STK32A: variants seen among roughly 807,000 people sequenced by gnomAD.
STK32A encodes the protein serine/threonine kinase 32A.
STK32A carries 41 observed loss-of-function variants against 53.2 expected under a neutral mutation model. The observed-to-expected ratio is 0.77, with a 90% confidence interval of 0.60 to 1.00. STK32A has a LOEUF of 1.00. Among genes scored for constraint, STK32A ranks in the 50% least tolerant of loss-of-function variants. The pLI is 0.00. For synonymous variants in STK32A, 166 were observed against 162.8 expected, an observed-to-expected ratio of 1.02 and a Z score of -0.15; for missense variants, 458 against 485.8, an observed-to-expected ratio of 0.94 and a Z score of 0.54.
chr5:147,354,585 C>A (rs1223179072), intron 7 of STK32A, among the ~76,000 whole-genome samples: 1 of 152,166 alleles, frequency 6.6e-6, no homozygotes, highest in Non-Finnish European at 1.5e-5. Context: ...TTTCCCTGGA[C>A]CAGACAAGGT....
At chr5:147,362,281 A>G (rs2151998805) in intron 8 of STK32A, among the ~76,000 whole-genome samples, 1 of 152,358 alleles carries the variant, frequency 6.6e-6, no homozygotes. Context: ...CTTAAATAAC[A>G]GACATCTATT....
chr5:147,395,632 G>T, the STK32A span: 1 of 1,614,134 alleles, frequency 6.2e-7, no homozygotes, highest in Non-Finnish European at 8.5e-7. Context: ...CCCGAGCAGA[G>T]CCTGCGGGGG....
chr5:147,358,378 C>T (rs1324974434), intron 7 of STK32A, among the ~76,000 whole-genome samples: 1 of 152,070 alleles, frequency 6.6e-6, no homozygotes, highest in Non-Finnish European at 1.5e-5. Flanking sequence ...GTTTGGAGTT[C>T]TGTGGTACAC....
intron 7 of STK32A, among the ~76,000 whole-genome samples, chr5:147,360,362 G>A (rs1303908884): frequency 1.4e-5 from 2 of 147,866 alleles, no homozygotes; most frequent in South Asian, 2.2e-4. Flanking sequence ...AAGGTTGGAG[G>A]ATCACTTGAG....
intron 1 of STK32A, among the ~76,000 whole-genome samples, chr5:147,235,783 G>T (rs374622459): frequency 6.6e-6 from 1 of 152,284 alleles, no homozygotes. Flanking sequence ...TATCACATCC[G>T]TGATTGTGGC....
intron 2 of STK32A, among the ~76,000 whole-genome samples, chr5:147,274,251 C>T (rs998842953): frequency 6.6e-6 from 1 of 152,140 alleles, no homozygotes; most frequent in Non-Finnish European, 1.5e-5. Flanking sequence ...AGAGTTACAT[C>T]TCCTTTGCCT....
chr5:147,289,652 T>C (rs576844492), intron 4 of STK32A, among the ~76,000 whole-genome samples: 2 of 152,050 alleles, frequency 1.3e-5, no homozygotes, highest in South Asian at 4.1e-4. Context: ...ATCACATATA[T>C]ATGTGTGTGT....
At chr5:147,390,455 T>TA (rs745314898), downstream of STK32A, among the ~76,000 whole-genome samples, 4 of 103,310 alleles carry the variant, frequency 3.9e-5, no homozygotes, top group Middle Eastern at 5.6e-3. Flanking sequence ...AACAATCAAA[T>TA]AGCAAGGCTT....
At chr5:147,371,976 AATTATACCCAGC>A (rs1156585934) in intron 9 of STK32A, among the ~76,000 whole-genome samples, 3 of 152,160 alleles carry the variant, frequency 2.0e-5, no homozygotes, top group African/African-American at 7.2e-5. Flanking sequence ...TTCAGTTTAA[AATTATACCCAGC>A]ATTTGTGTGA....
At chr5:147,368,637 G>A (rs1320059974) in intron 8 of STK32A, among the ~76,000 whole-genome samples, 1 of 152,034 alleles carries the variant, frequency 6.6e-6, no homozygotes, top group East Asian at 1.9e-4. Flanking sequence ...TACAATTCTG[G>A]TAGTTGATTA....
chr5:147,260,475 G>A (rs1229310820), intron 2 of STK32A, among the ~76,000 whole-genome samples: 1 of 152,040 alleles, frequency 6.6e-6, no homozygotes, highest in Non-Finnish European at 1.5e-5. Flanking sequence ...GAAAGGGGGG[G>A]TTTATGTGAG....
chr5:147,283,350 C>T (rs1224871914), intron 4 of STK32A, among the ~76,000 whole-genome samples: 2 of 151,592 alleles, frequency 1.3e-5, no homozygotes, highest in Admixed American at 1.3e-4. Context: ...ACTGAAAGAG[C>T]ACAAACTGAC....
intron 4 of STK32A, among the ~76,000 whole-genome samples, chr5:147,302,211 T>G (rs1168571954): frequency 2.0e-5 from 3 of 152,206 alleles, no homozygotes; most frequent in Non-Finnish European, 2.9e-5. Context: ...ATATTTCACT[T>G]TTTACTATCT....
At chr5:147,255,960 T>C (rs1754215857) in intron 2 of STK32A, among the ~76,000 whole-genome samples, 1 of 152,202 alleles carries the variant, frequency 6.6e-6, no homozygotes, top group African/African-American at 2.4e-5. Flanking sequence ...GGGGCTTCTC[T>C]CGCTTTACGA....
intron 7 of STK32A, among the ~76,000 whole-genome samples, chr5:147,351,870 CA>C (rs942254348): frequency 3.3e-5 from 5 of 152,062 alleles, no homozygotes; most frequent in Non-Finnish European, 7.4e-5. Context: ...AACAAACAAA[CA>C]AAGAAGTAGG....
rs370511823 is a variant in STK32A, at chr5:147,351,079, A to G, written c.487A>G (p.Thr163Ala). 113 of 1,613,780 alleles carry G rather than the reference A, an allele frequency of 7.0e-5. No individual in the cohort carries two copies. Among genetic ancestry groups the G allele is most frequent in the Non-Finnish European group, 9.2e-5 (109 of 1,179,850 alleles). The change falls in exon 7 of 13, where the codon ACA becomes GCA. Residue 163 changes from threonine to alanine, a missense_variant. Transcript: ENST00000397936. ...LLDEHGHVHI[T>A]DFNIAAMLPR... Reference sequence around the variant, plus strand: ...TCTCTCTGCAGGGCACGTGCACATCACAGATTTCAACATTGCTGCGATGCT... The same window carrying G: ...TCTCTCTGCAGGGCACGTGCACATCGCAGATTTCAACATTGCTGCGATGCT...
At chr5:147,305,837 C>T (rs1015201320) in intron 4 of STK32A, among the ~76,000 whole-genome samples, 1 of 151,792 alleles carries the variant, frequency 6.6e-6, no homozygotes, top group Non-Finnish European at 1.5e-5. Flanking sequence ...TATTAACATT[C>T]TTATTTGTTC....
At chr5:147,266,227 C>T (rs1246380183) in intron 2 of STK32A, among the ~76,000 whole-genome samples, 1 of 152,104 alleles carries the variant, frequency 6.6e-6, no homozygotes, top group Non-Finnish European at 1.5e-5. Flanking sequence ...GGTTGTGAAG[C>T]GGATGGAGTC....
chr5:147,321,264 C>T (rs1331132047), intron 4 of STK32A, among the ~76,000 whole-genome samples: 2 of 152,202 alleles, frequency 1.3e-5, no homozygotes, highest in East Asian at 3.8e-4. Context: ...CAAGGAAGCT[C>T]TTACTCACTC....
Sources: gnomAD v4.1 joint callset for allele counts (sites outside exome capture counted in the v4.1 genomes callset) on GRCh38, gnomAD v4.1.1 for gene constraint, MANE v1.5 for transcripts, NCBI Gene and HGNC (gene_info 2026-07-23, HGNC 2026-07-21) for gene names.